PTPRT: variants seen among roughly 807,000 people sequenced by gnomAD.
The protein encoded by PTPRT is receptor-type tyrosine-protein phosphatase T.
PTPRT carries 56 observed loss-of-function variants against 176.8 expected under a neutral mutation model. The ratio of observed to expected loss-of-function variants is 0.32; its 90% CI spans 0.26 to 0.40. The LOEUF (loss-of-function observed/expected upper bound fraction) is 0.40, where lower values mean the gene tolerates loss of function less well. Ranked by LOEUF, PTPRT falls within the 10% of genes least tolerant of loss-of-function variation. The pLI, the probability that PTPRT is intolerant of heterozygous loss-of-function variation, is 1.00. For synonymous variants in PTPRT, 783 were observed against 739.0 expected (o/e 1.06, Z -0.96); for missense variants, 1,540 against 1,908.2 (o/e 0.81, Z 3.60).
At chr20:42,588,067 T>C (rs1329661557) in intron 7 of PTPRT, among the ~76,000 whole-genome samples, 2 of 152,154 alleles carry the variant, frequency 1.3e-5, no homozygotes, top group East Asian at 1.9e-4. Context: ...AGCTGAATTA[T>C]TGGTATAGGA....
rs1360709532 is a variant in PTPRT at position 42,678,017 on chromosome 20, C to T, written c.1002G>A (p.Trp334Ter). The change falls in exon 7 of 31, where the codon TGG becomes TGA. Residue 334 changes from tryptophan (W) to a stop codon, truncating the protein, a stop_gained. Transcript: ENST00000373187. LOFTEE classifies it high-confidence loss of function. ...GAGAGTCGACTATGTGGGTCTCTGC[C>T]CACGTGCCTGTGGTGGTGCGATATT... is the stretch of plus-strand genomic sequence containing the variant. ...EVEYRTTTGT[W>*]AETHIVDSPN... 6.2e-7 allele frequency: 1 copy of T among 1,614,050 alleles called. No individual in the cohort carries two copies. The highest frequency in any genetic ancestry group is 8.5e-7 in the Non-Finnish European group (1 of 1,180,046).
chr20:42,333,288 C>A (rs1265568300), intron 11 of PTPRT, among the ~76,000 whole-genome samples: 1 of 152,156 alleles, frequency 6.6e-6, no homozygotes, highest in Non-Finnish European at 1.5e-5. Context: ...TTCACCCTAA[C>A]TTTATTATTT....
At position 42,559,533 on chromosome 20, in the gene PTPRT, C is replaced by A. The variant is rs567693506; in HGVS notation, c.1154-86971G>T. On this transcript the variant is annotated intron_variant, in intron 7 of 30. Transcript: ENST00000373187. ...CTGCCTCACGATGTCTAAAGGCATG[C>A]CATTACTATTAAAGGAGGGACAGTA... is the stretch of plus-strand genomic sequence containing the variant. Among the ~76,000 whole-genome samples the A allele has an allele frequency of 5.9e-4, 90 of 152,182 alleles. 2 individuals carry two copies. The highest frequency in any genetic ancestry group is 1.5e-3 in the South Asian group (7 of 4,810).
intron 1 of PTPRT, among the ~76,000 whole-genome samples, chr20:42,893,711 G>A (rs2079238426): frequency 6.6e-6 from 1 of 151,720 alleles, no homozygotes; most frequent in African/African-American, 2.4e-5. Context: ...GTCCTTTGTA[G>A]GGACATGGAT....
At chr20:42,969,823 G>C (rs1187436992) in intron 1 of PTPRT, among the ~76,000 whole-genome samples, 1 of 152,054 alleles carries the variant, frequency 6.6e-6, no homozygotes, top group Non-Finnish European at 1.5e-5. Flanking sequence ...CTCTGCTGAG[G>C]GATGTTATTA....
intron 3 of PTPRT, among the ~76,000 whole-genome samples, chr20:42,781,160 T>TAAA (rs2077209844): frequency 6.6e-6 from 1 of 151,622 alleles, no homozygotes. Context: ...TTTTCTTATC[T>TAAA]AATCCTTGGA....
intron 7 of PTPRT, among the ~76,000 whole-genome samples, chr20:42,562,493 T>G (rs2072968700): frequency 6.6e-6 from 1 of 152,254 alleles, no homozygotes; most frequent in African/African-American, 2.4e-5. Flanking sequence ...CAACAATGTA[T>G]CCATTCTACT....
At chr20:42,197,399 A>AAAG in intron 16 of PTPRT, among the ~76,000 whole-genome samples, 1 of 150,178 alleles carries the variant, frequency 6.7e-6, no homozygotes, top group African/African-American at 2.4e-5. Context: ...AAAAAAAAAA[A>AAAG]AAGTCAGTAT....
At chr20:42,631,370 G>T (rs1407631237) in intron 7 of PTPRT, among the ~76,000 whole-genome samples, 1 of 145,486 alleles carries the variant, frequency 6.9e-6, no homozygotes, top group African/African-American at 2.5e-5. Context: ...TAATCTTTTA[G>T]AAGTAACAAA....
At chr20:42,609,587 T>G (rs1359433229) in intron 7 of PTPRT, among the ~76,000 whole-genome samples, 1 of 152,176 alleles carries the variant, frequency 6.6e-6, no homozygotes, top group Non-Finnish European at 1.5e-5. Context: ...TGCTCCCAGG[T>G]CTGGCTGCTA....
chr20:42,763,358 C>A (rs971181929), intron 5 of PTPRT, among the ~76,000 whole-genome samples: 1 of 152,162 alleles, frequency 6.6e-6, no homozygotes, highest in African/African-American at 2.4e-5. Flanking sequence ...GAAACCATTT[C>A]TGGTTTTGCA....
chr20:42,413,332 A>C (rs1407268893), intron 9 of PTPRT, among the ~76,000 whole-genome samples: 1 of 152,214 alleles, frequency 6.6e-6, no homozygotes, highest in Non-Finnish European at 1.5e-5. Context: ...CAGGACATTC[A>C]GTTTTAGGAA....
At chr20:42,957,193 T>G (rs1444780474) in intron 1 of PTPRT, among the ~76,000 whole-genome samples, 2 of 152,146 alleles carry the variant, frequency 1.3e-5, no homozygotes, top group Non-Finnish European at 2.9e-5. Flanking sequence ...TAGAAGTGAT[T>G]AACTACAGAT....
At chr20:42,162,026 G>A (rs950115995) in intron 16 of PTPRT, among the ~76,000 whole-genome samples, 9 of 152,104 alleles carry the variant, frequency 5.9e-5, no homozygotes, top group African/African-American at 2.2e-4. Context: ...GCTGTGACCT[G>A]GCTTCTCTAC....
chr20:42,583,969 C>G (rs2145733388), intron 7 of PTPRT, among the ~76,000 whole-genome samples: 1 of 152,260 alleles, frequency 6.6e-6, no homozygotes. Flanking sequence ...TAGAGACCAC[C>G]ATGGTGGAGA....
rs77132872 is a variant in PTPRT, at chr20:43,093,841, T to C, written c.88+95805A>G. Among the ~76,000 whole-genome samples, 394 of 152,282 alleles carry C rather than the reference T, an allele frequency of 2.6e-3. 15 individuals carry two copies. The East Asian group carries it at 0.057, about 22-fold the overall frequency. On this transcript the variant is annotated intron_variant, in intron 1 of 30. Transcript: ENST00000373187. ...GGTCCCTGAACACACCAAGCTACTC[T>C]TTCCATGTCTGGGCCCCTGTGCTGA...
chr20:42,304,128 G>C (rs1407116490), intron 12 of PTPRT, among the ~76,000 whole-genome samples: 1 of 152,140 alleles, frequency 6.6e-6, no homozygotes, highest in Non-Finnish European at 1.5e-5. Context: ...CTCTCCGTAA[G>C]TACGACATTC....
chr20:42,927,578 G>C (rs189632180), intron 1 of PTPRT, among the ~76,000 whole-genome samples: 3 of 151,728 alleles, frequency 2.0e-5, no homozygotes, highest in Admixed American at 1.3e-4. Flanking sequence ...AGAAAGAAAA[G>C]CAAGAAAGAA....
chr20:42,394,092 T>C (rs1272230127), intron 9 of PTPRT, among the ~76,000 whole-genome samples: 1 of 150,922 alleles, frequency 6.6e-6, no homozygotes, highest in Non-Finnish European at 1.5e-5. Flanking sequence ...CCTTCAAAAA[T>C]GGTGAAAATG....
Sources: allele counts gnomAD v4.1 joint callset (sites outside exome capture counted in the v4.1 genomes callset), GRCh38; gene constraint gnomAD v4.1.1; transcripts MANE v1.5; gene names NCBI Gene and HGNC (gene_info 2026-07-23, HGNC 2026-07-21).